CYP4Z1: variants seen among roughly 807,000 people sequenced by gnomAD.
CYP4Z1 encodes the protein cytochrome P450 family 4 subfamily Z member 1, also known as cytochrome P450 4Z1.
CYP4Z1 carries 41 observed loss-of-function variants against 54.2 expected under a neutral mutation model. That is an observed-to-expected ratio of 0.76 (90% CI 0.59 to 0.98). The LOEUF is 0.98. Ranked by LOEUF, CYP4Z1 falls within the 50% of genes least tolerant of loss-of-function variation. CYP4Z1 has a pLI of 0.00. For synonymous variants in CYP4Z1, 163 were observed against 206.2 expected (o/e 0.79, Z 1.79); for missense variants, 513 against 599.0 (o/e 0.86, Z 1.50).
intron 2 of CYP4Z1, among the ~76,000 whole-genome samples, chr1:47,077,761 C>G (rs9729609): frequency 2.0e-5 from 3 of 150,640 alleles, no homozygotes; most frequent in African/African-American, 7.4e-5. Flanking sequence ...GTTGGAACTA[C>G]AGGCCTGCAC....
At chr1:47,115,780 G>A (rs188162345) in intron 10 of CYP4Z1, among the ~76,000 whole-genome samples, 187 bp downstream of exon 10, 1 of 152,332 alleles carries the variant, frequency 6.6e-6, no homozygotes, top group East Asian at 1.9e-4. Flanking sequence ...AGAGTTCCAT[G>A]ATGATGCCTT....
chr1:47,117,630 G>T, intron 11 of CYP4Z1, 136 bp from the exon 12 acceptor site: 2 of 938,244 alleles, frequency 2.1e-6, no homozygotes, highest in South Asian at 2.3e-5. Context: ...GTGAGCACCT[G>T]TAATCCAGCA....
chr1:47,100,205 T>C (rs113353080), intron 8 of CYP4Z1, among the ~76,000 whole-genome samples: 40 of 152,324 alleles, frequency 2.6e-4, no homozygotes, highest in Non-Finnish European at 5.6e-4. Context: ...TCATTTTCAT[T>C]CCTCTATGGA....
intron 2 of CYP4Z1, among the ~76,000 whole-genome samples, chr1:47,080,006 C>T (rs1644551995): frequency 6.6e-6 from 1 of 152,002 alleles, no homozygotes; most frequent in African/African-American, 2.4e-5. Flanking sequence ...CTCATGTTAA[C>T]AATCCTCTCT....
chr1:47,113,511 C>T (rs893700200), intron 9 of CYP4Z1, among the ~76,000 whole-genome samples: 2 of 152,176 alleles, frequency 1.3e-5, no homozygotes, highest in Admixed American at 1.3e-4. Flanking sequence ...ATTTAAGTGT[C>T]ATCATAACAG....
intron 8 of CYP4Z1, among the ~76,000 whole-genome samples, chr1:47,100,535 G>A (rs1644713719): frequency 6.6e-6 from 1 of 152,174 alleles, no homozygotes; most frequent in East Asian, 1.9e-4. Context: ...CTACCTGCCA[G>A]TTGGTCACGG....
intron 4 of CYP4Z1, among the ~76,000 whole-genome samples, chr1:47,084,249 C>T (rs1340058144): frequency 6.6e-6 from 1 of 151,888 alleles, no homozygotes; most frequent in Non-Finnish European, 1.5e-5. Flanking sequence ...GGATCTTTTC[C>T]TAGAATCAAA....
chr1:47,094,454 G>T (rs551164117), intron 6 of CYP4Z1, 112 bp from the exon 7 acceptor site: 2 of 680,018 alleles, frequency 2.9e-6, no homozygotes, highest in South Asian at 2.1e-5. Context: ...AACATTGGGT[G>T]GGGGGCAGCC....
chr1:47,099,936 A>ATG (rs1644709554), intron 8 of CYP4Z1, among the ~76,000 whole-genome samples: 2 of 151,520 alleles, frequency 1.3e-5, no homozygotes, highest in Non-Finnish European at 2.9e-5. Context: ...AAAATTGCTC[A>ATG]TTACCAGCAC....
At chr1:47,115,324 A>G in intron 9 of CYP4Z1, 1 of 438,388 alleles carries the variant, frequency 2.3e-6, no homozygotes, top group Non-Finnish European at 4.2e-6. Flanking sequence ...GATGGATAGC[A>G]TTAGGAGATA....
chr1:47,056,019 C>T, the CYP4Z1 span, among the ~76,000 whole-genome samples: 1 of 152,100 alleles, frequency 6.6e-6, no homozygotes, highest in Non-Finnish European at 1.5e-5. Flanking sequence ...GTTAGGGTGT[C>T]AATTTTATAT....
chr1:47,087,670 A>G (rs866664315), intron 6 of CYP4Z1, among the ~76,000 whole-genome samples: 113 of 152,160 alleles, frequency 7.4e-4, no homozygotes, highest in African/African-American at 2.5e-3. Context: ...TCTTTCCCTA[A>G]TTGAATGCCC....
intron 8 of CYP4Z1, among the ~76,000 whole-genome samples, chr1:47,102,692 C>G (rs895967202): frequency 6.6e-6 from 1 of 152,136 alleles, no homozygotes; most frequent in Non-Finnish European, 1.5e-5. Flanking sequence ...TACTGTTAGC[C>G]TAATGGAGGT....
At chr1:47,097,818 T>C (rs1644689102) in intron 7 of CYP4Z1, among the ~76,000 whole-genome samples, 2 of 126,256 alleles carry the variant, frequency 1.6e-5, no homozygotes, top group Admixed American at 8.1e-5. Context: ...CAGTTCCATA[T>C]GATTTTTTTT....
chr1:47,112,601 G>A (rs1348693681), intron 9 of CYP4Z1, among the ~76,000 whole-genome samples: 3 of 152,066 alleles, frequency 2.0e-5, no homozygotes, highest in Admixed American at 1.3e-4. Context: ...TAAAATATTA[G>A]TACACATAAT....
chr1:47,068,833 G>A (rs1434262527), intron 2 of CYP4Z1, 70 bp downstream of exon 2: 17 of 1,557,102 alleles, frequency 1.1e-5, no homozygotes, highest in Non-Finnish European at 1.4e-5. Flanking sequence ...GTGGCACTAG[G>A]GAAGGACAGG....
intron 2 of CYP4Z1, among the ~76,000 whole-genome samples, chr1:47,079,326 G>C (rs1014961024): frequency 1.3e-5 from 2 of 152,066 alleles, no homozygotes; most frequent in African/African-American, 2.4e-5. Flanking sequence ...GTGTGCACCT[G>C]GTTGCTGTAA....
At chr1:47,085,879 T>G (rs191950802) in intron 6 of CYP4Z1, among the ~76,000 whole-genome samples, 2 of 125,160 alleles carry the variant, frequency 1.6e-5, no homozygotes, top group African/African-American at 3.0e-5. Context: ...GTGTGTGATG[T>G]TCCCCTTCCT....
At chr1:47,112,004 T>C (rs1355484642) in intron 9 of CYP4Z1, among the ~76,000 whole-genome samples, 1 of 152,206 alleles carries the variant, frequency 6.6e-6, no homozygotes, top group Non-Finnish European at 1.5e-5. Context: ...GAAATATTTT[T>C]ATTAATAAAA....
Sources: allele counts gnomAD v4.1 joint callset (sites outside exome capture counted in the v4.1 genomes callset), GRCh38; gene constraint gnomAD v4.1.1; transcripts MANE v1.5; gene names NCBI Gene and HGNC (gene_info 2026-07-23, HGNC 2026-07-21).